PAK5: variants seen among roughly 807,000 people sequenced by gnomAD.
PAK5 encodes the protein p21 (RAC1) activated kinase 5, also known as serine/threonine-protein kinase PAK 5.
Under a neutral mutation model 65.9 loss-of-function variants are expected in PAK5, and 16 were observed. The ratio of observed to expected loss-of-function variants is 0.24; its 90% confidence interval spans 0.16 to 0.37. PAK5 has a LOEUF of 0.37. Ranked by LOEUF, PAK5 falls within the 10% of genes least tolerant of loss-of-function variation. The pLI is 1.00. For synonymous variants in PAK5, 371 were observed against 354.9 expected (o/e 1.05, Z -0.51); for missense variants, 785 against 903.9 (o/e 0.87, Z 1.69).
intron 2 of PAK5, among the ~76,000 whole-genome samples, chr20:9,674,690 G>A (rs139858998): frequency 6.6e-6 from 1 of 152,182 alleles, no homozygotes. Context: ...TTTATTGAGG[G>A]AGTGCTTTCA....
At chr20:9,607,615 C>T (rs1386484092) in intron 3 of PAK5, among the ~76,000 whole-genome samples, 1 of 151,756 alleles carries the variant, frequency 6.6e-6, no homozygotes, top group South Asian at 2.1e-4. Flanking sequence ...TCACTTGGGC[C>T]CAGGAATTAA....
chr20:9,583,094 G>A (rs2046008672), intron 3 of PAK5, among the ~76,000 whole-genome samples: 1 of 152,124 alleles, frequency 6.6e-6, no homozygotes, highest in Non-Finnish European at 1.5e-5. Context: ...AATACTCATT[G>A]CTACTGGGTG....
At chr20:9,811,674 T>C (rs1013630659) in intron 1 of PAK5, among the ~76,000 whole-genome samples, 2 of 152,354 alleles carry the variant, frequency 1.3e-5, no homozygotes, top group East Asian at 1.9e-4. Context: ...ATTCAAATTA[T>C]GTAGTCCAGC....
chr20:9,599,456 G>T (rs116638681), intron 3 of PAK5, among the ~76,000 whole-genome samples: 1 of 152,138 alleles, frequency 6.6e-6, no homozygotes, highest in African/African-American at 2.4e-5. Flanking sequence ...GCACCATTTG[G>T]TATTCCCATC....
intron 1 of PAK5, among the ~76,000 whole-genome samples, chr20:9,769,737 G>T (rs982294357): frequency 6.6e-6 from 1 of 152,188 alleles, no homozygotes; most frequent in Non-Finnish European, 1.5e-5. Context: ...AAGGTGATGG[G>T]ATGGAATGGC....
intron 1 of PAK5, among the ~76,000 whole-genome samples, chr20:9,734,470 G>T (rs1158253276): frequency 6.6e-6 from 1 of 151,734 alleles, no homozygotes; most frequent in Non-Finnish European, 1.5e-5. Context: ...AATAGAAGGA[G>T]AAACAAAAGA....
intron 1 of PAK5, among the ~76,000 whole-genome samples, chr20:9,746,521 T>A (rs1429922802): frequency 6.6e-6 from 1 of 152,210 alleles, no homozygotes; most frequent in Non-Finnish European, 1.5e-5. Flanking sequence ...GACACCCATG[T>A]AACAACAACT....
chr20:9,749,106 C>T (rs1356256421), intron 1 of PAK5, among the ~76,000 whole-genome samples: 1 of 152,036 alleles, frequency 6.6e-6, no homozygotes, highest in Admixed American at 6.6e-5. Flanking sequence ...AATATGAAAG[C>T]AATTAAGAAA....
At chr20:9,557,187 A>C (rs528213951) in intron 7 of PAK5, among the ~76,000 whole-genome samples, 1 of 152,220 alleles carries the variant, frequency 6.6e-6, no homozygotes, top group African/African-American at 2.4e-5. Flanking sequence ...GTCCTTTATT[A>C]CACCATCCTC....
At chr20:9,749,120 C>A (rs960817395) in intron 1 of PAK5, among the ~76,000 whole-genome samples, 1 of 152,084 alleles carries the variant, frequency 6.6e-6, no homozygotes, top group Admixed American at 6.6e-5. Context: ...TAAGAAATAA[C>A]CCCATAGCTG....
chr20:9,603,378 G>A (rs779891029), intron 3 of PAK5, among the ~76,000 whole-genome samples: 15 of 152,042 alleles, frequency 9.9e-5, no homozygotes, highest in Non-Finnish European at 1.5e-4. Context: ...TCTTCTTCCC[G>A]CTTCTGTGAA....
rs138912496 is a variant in PAK5, at chr20:9,812,353, A to G, written c.-162+26409T>C. Reference sequence around the variant, plus strand: ...GAGACAATATCACCAGAGAAGATGTACAAATGGCAAGTAACATATAAAAAT... The same window carrying G: ...GAGACAATATCACCAGAGAAGATGTGCAAATGGCAAGTAACATATAAAAAT... On this transcript the variant is annotated intron_variant, in intron 1 of 9. Transcript: ENST00000353224. 4.5e-4 allele frequency among the ~76,000 whole-genome samples: 68 copies of G among 152,312 alleles called. 1 individual carries two copies. Among genetic ancestry groups the G allele is most frequent in the African/African-American group, 1.2e-3 (49 of 41,574 alleles).
chr20:9,638,154 C>T (rs555628353), intron 3 of PAK5, among the ~76,000 whole-genome samples: 2 of 152,326 alleles, frequency 1.3e-5, no homozygotes, highest in South Asian at 2.1e-4. Flanking sequence ...AATTACTGGC[C>T]AATCACAAAC....
At chr20:9,744,208 T>A (rs1348249110) in intron 1 of PAK5, among the ~76,000 whole-genome samples, 5 of 152,186 alleles carry the variant, frequency 3.3e-5, no homozygotes, top group Admixed American at 3.3e-4. Context: ...AGAGAATAGA[T>A]GTCAACTGTT....
intron 4 of PAK5, among the ~76,000 whole-genome samples, chr20:9,575,064 G>C (rs1287234235): frequency 6.6e-6 from 1 of 152,152 alleles, no homozygotes; most frequent in Non-Finnish European, 1.5e-5. Flanking sequence ...GGGAAGACTG[G>C]GCCCACTGGT....
chr20:9,712,238 C>T (rs1358568072), intron 1 of PAK5, among the ~76,000 whole-genome samples: 1 of 152,014 alleles, frequency 6.6e-6, no homozygotes, highest in Non-Finnish European at 1.5e-5. Flanking sequence ...TAATGAGAAT[C>T]AACTATATAC....
chr20:9,664,860 T>G (rs2047392277), intron 2 of PAK5, among the ~76,000 whole-genome samples: 3 of 152,072 alleles, frequency 2.0e-5, no homozygotes, highest in Admixed American at 2.0e-4. Context: ...GTCTAATTAT[T>G]TTACTAAAAA....
At chr20:9,706,570 C>T (rs2123475901) in intron 2 of PAK5, among the ~76,000 whole-genome samples, 1 of 151,992 alleles carries the variant, frequency 6.6e-6, no homozygotes, top group Middle Eastern at 3.4e-3. Flanking sequence ...CCTCTGCCTC[C>T]CAGGCTCAAG....
intron 2 of PAK5, among the ~76,000 whole-genome samples, chr20:9,684,030 C>A (rs2047685231): frequency 6.6e-6 from 1 of 152,154 alleles, no homozygotes; most frequent in East Asian, 1.9e-4. Context: ...AGCCTGGGTC[C>A]CTGATGGAGC....
Sources: gnomAD v4.1 joint callset for allele counts (sites outside exome capture counted in the v4.1 genomes callset) on GRCh38, gnomAD v4.1.1 for gene constraint, MANE v1.5 for transcripts, NCBI Gene and HGNC (gene_info 2026-07-23, HGNC 2026-07-21) for gene names.